Variants in CCDC63 observed in about 807,000 individuals in gnomAD.
The protein encoded by CCDC63 is coiled-coil domain containing 63, also known as coiled-coil domain-containing protein 63.
A neutral mutation model predicts 63.6 loss-of-function variants in CCDC63; 54 were observed. The observed-to-expected ratio is 0.85, with a 90% CI of 0.68 to 1.07. The LOEUF (loss-of-function observed/expected upper bound fraction) is 1.07. CCDC63 is among the 50% of genes least tolerant of loss of function. CCDC63 has a pLI of 0.00. For missense variants in CCDC63, 637 were observed against 689.6 expected (o/e 0.92, Z 0.86); for synonymous variants, 253 against 266.1 (o/e 0.95, Z 0.48).
chr12:110,869,316 C>A (rs888483795), intron 4 of CCDC63, among the ~76,000 whole-genome samples: 1 of 152,194 alleles, frequency 6.6e-6, no homozygotes, highest in Non-Finnish European at 1.5e-5. Flanking sequence ...AACCAAGTTG[C>A]TTTGAATGTC....
intron 8 of CCDC63, among the ~76,000 whole-genome samples, chr12:110,891,328 A>G (rs1220683742): frequency 3.4e-5 from 5 of 146,252 alleles, no homozygotes; most frequent in African/African-American, 1.4e-4. Context: ...ACAAACAAAC[A>G]AACAAACAAA....
intron 4 of CCDC63, among the ~76,000 whole-genome samples, chr12:110,865,600 A>G (rs2136665745): frequency 6.6e-6 from 1 of 152,348 alleles, no homozygotes; most frequent in South Asian, 2.1e-4. Context: ...GAATTTTCAT[A>G]GAACAACCGT....
chr12:110,885,436 T>A (rs1286322020), intron 8 of CCDC63, among the ~76,000 whole-genome samples: 1 of 152,180 alleles, frequency 6.6e-6, no homozygotes, highest in Non-Finnish European at 1.5e-5. Context: ...TAAATAAACA[T>A]CCTTTGGAAC....
At chr12:110,886,832 C>A (rs2071287655) in intron 8 of CCDC63, among the ~76,000 whole-genome samples, 1 of 152,182 alleles carries the variant, frequency 6.6e-6, no homozygotes, top group Non-Finnish European at 1.5e-5. Context: ...TCTCTGTCCC[C>A]CTCCCGGAAG....
At position 110,853,407 on chromosome 12, in the gene CCDC63, G is replaced by A. The variant is rs200980001; in HGVS notation, c.12G>A (p.Leu4=). Residue 4 remains leucine, a splice_region_variant and synonymous_variant, in exon 3 of 12, where the codon TTG becomes TTA. Transcript: ENST00000308208. MSV[L]KKNRRKDSDT... ...CCACTCCTCTCCATCTCCCCCAGTT[G>A]AAGAAGAACAGGAGAAAAGACTCCG... 6.2e-7 allele frequency: 1 copy of A among 1,607,506 alleles called. No homozygotes were observed. The highest frequency in any genetic ancestry group is 1.7e-5 in the Admixed American group (1 of 58,146).
intron 10 of CCDC63, among the ~76,000 whole-genome samples, chr12:110,903,272 G>A (rs569900699): frequency 6.6e-6 from 1 of 152,302 alleles, no homozygotes; most frequent in South Asian, 2.1e-4. Context: ...CAAAGTGCTG[G>A]GATTACAGGC....
intron 4 of CCDC63, among the ~76,000 whole-genome samples, chr12:110,862,381 G>A (rs1424314593): frequency 6.6e-6 from 1 of 152,214 alleles, no homozygotes; most frequent in African/African-American, 2.4e-5. Flanking sequence ...GACCTCCCCA[G>A]GCCCTACCTG....
At position 110,879,941 on chromosome 12, in the gene CCDC63, T is replaced by C. The variant is rs2136695017; in HGVS notation, c.525T>C (p.Asn175=). ...ACTTTGACAAGATGCTGACCACTAA[T>C]GCCAAGCTCCGGAAGGAGATTGAAG... ...TVHFDKMLTT[N]AKLRKEIEDL... is the part of the protein sequence containing the mutation. Residue 175 remains asparagine, a synonymous_variant, in exon 6 of 12, where the codon AAT becomes AAC. Coordinates refer to ENST00000308208, the MANE Select transcript of CCDC63 (RefSeq NM_152591.3). 1 of 1,614,180 alleles carries C rather than the reference T, an allele frequency of 6.2e-7. No individual in the cohort carries two copies.
chr12:110,882,820 G>A (rs1453074348), intron 7 of CCDC63, among the ~76,000 whole-genome samples: 4 of 151,976 alleles, frequency 2.6e-5, no homozygotes, highest in Non-Finnish European at 5.9e-5. Flanking sequence ...CTGTAAAAAG[G>A]TCACATGGTC....
At chr12:110,848,383 G>A (rs1338791767) in intron 1 of CCDC63, among the ~76,000 whole-genome samples, 1 of 152,172 alleles carries the variant, frequency 6.6e-6, no homozygotes, top group Non-Finnish European at 1.5e-5. Context: ...ATGGGGGTGA[G>A]GGGGTGGATC....
intron 3 of CCDC63, among the ~76,000 whole-genome samples, chr12:110,857,682 G>A (rs1226883227): frequency 6.6e-6 from 1 of 152,126 alleles, no homozygotes; most frequent in Non-Finnish European, 1.5e-5. Context: ...AGTCTTTCAA[G>A]CTCCCTTTGC....
chr12:110,905,615 T>C (rs934541186), intron 11 of CCDC63, among the ~76,000 whole-genome samples: 1 of 151,710 alleles, frequency 6.6e-6, no homozygotes, highest in African/African-American at 2.4e-5. Flanking sequence ...CATCCACCCA[T>C]GCAGTGGAAT....
intron 4 of CCDC63, 79 bp downstream of exon 4, chr12:110,858,854 G>A: frequency 5.6e-6 from 7 of 1,240,062 alleles, no homozygotes. Context: ...TGATGCCTTA[G>A]GCCAGACCTG....
At chr12:110,885,362 C>T (rs959955236) in intron 8 of CCDC63, among the ~76,000 whole-genome samples, 6 of 152,174 alleles carry the variant, frequency 3.9e-5, no homozygotes, top group African/African-American at 1.2e-4. Flanking sequence ...AGCCTGTCTA[C>T]CTTTGTTGAA....
chr12:110,888,160 GCTAA>G (rs760403897), intron 8 of CCDC63, among the ~76,000 whole-genome samples: 1 of 152,106 alleles, frequency 6.6e-6, no homozygotes, highest in East Asian at 1.9e-4. Flanking sequence ...CCTTTGAGTT[GCTAA>G]CTGAGGTTCA....
chr12:110,864,423 T>TAA (rs35404744), intron 4 of CCDC63, among the ~76,000 whole-genome samples: 12,204 of 124,536 alleles, frequency 0.098, 576 homozygotes, highest in South Asian at 0.16. Context: ...GACCCTGTCT[T>TAA]AAAAAAAAAA....
intron 9 of CCDC63, among the ~76,000 whole-genome samples, chr12:110,894,996 CGTCCACCTCCCGG>C (rs1226387866): frequency 1.3e-5 from 2 of 152,194 alleles, no homozygotes; most frequent in Admixed American, 1.3e-4. Flanking sequence ...CTCACTGCAA[CGTCCACCTCCCGG>C]GTTCAAGCGA....
rs199586446 is a variant in CCDC63, at chr12:110,904,651, T to A, written c.1406T>A (p.Val469Glu). The A allele has an allele frequency of 6.2e-7, 1 of 1,614,056 alleles. No homozygotes were observed. The highest frequency in any genetic ancestry group is 1.3e-5 in the African/African-American group (1 of 75,010). The change falls in exon 11 of 12, where the codon GTG becomes GAG. Residue 469 changes from valine to glutamate, a missense_variant. Transcript: ENST00000308208. ...LLETYRRILEVEGAEAEIPPP... is the reference protein window; with the variant it reads ...LLETYRRILEEEGAEAEIPPP... ...GAGACCTACAGGCGCATCCTGGAAG[T>A]GGAAGGGGCAGAGGCTGAGATCCCG...
chr12:110,867,870 G>T (rs1458573272), intron 4 of CCDC63, among the ~76,000 whole-genome samples: 1 of 151,952 alleles, frequency 6.6e-6, no homozygotes, highest in East Asian at 1.9e-4. Context: ...TGGCTGCCAG[G>T]TGGAGACGCT....
Sources: allele counts gnomAD v4.1 joint callset (sites outside exome capture counted in the v4.1 genomes callset), GRCh38; gene constraint gnomAD v4.1.1; transcripts MANE v1.5; gene names NCBI Gene and HGNC (gene_info 2026-07-23, HGNC 2026-07-21).